Variants in TLL1 observed in about 807,000 individuals in gnomAD.
The protein encoded by TLL1 is tolloid-like protein 1.
TLL1 carries 49 observed loss-of-function variants against 128.2 expected under a neutral mutation model. The observed-to-expected ratio is 0.38, with a 90% CI of 0.30 to 0.48. The LOEUF (loss-of-function observed/expected upper bound fraction) is 0.48, where lower values mean the gene tolerates loss of function less well. Ranked by LOEUF, TLL1 falls within the 20% of genes least tolerant of loss-of-function variation. The probability of loss-of-function intolerance (pLI) is 0.96; values close to 1 mark genes in which losing one functional copy is unlikely to be tolerated. For synonymous variants in TLL1, 454 were observed against 418.8 expected (o/e 1.08, Z -1.03); for missense variants, 1,123 against 1,242.0 (o/e 0.90, Z 1.44).
chr4:166,048,096 C>T lies in TLL1; in HGVS notation c.1524+4677C>T, dbSNP rs954817995. Among the ~76,000 whole-genome samples, 15 of 151,996 alleles carry T rather than the reference C, an allele frequency of 9.9e-5. No individual in the cohort carries two copies. In the East Asian group the frequency reaches 1.6e-3, roughly 16 times the overall value. ...TACTAGAAATACAAAATTAGCTGGGCGTGGTGGTGGGCGCCCGTAATCCCA... is the reference window on the plus strand; with the variant it reads ...TACTAGAAATACAAAATTAGCTGGGTGTGGTGGTGGGCGCCCGTAATCCCA... On this transcript the variant is annotated intron_variant, in intron 12 of 20. Coordinates refer to ENST00000061240, the MANE Select transcript of TLL1 (RefSeq NM_012464.5).
intron 14 of TLL1, among the ~76,000 whole-genome samples, chr4:166,058,879 G>A (rs995123460): frequency 2.6e-5 from 4 of 151,914 alleles, no homozygotes; most frequent in Non-Finnish European, 4.4e-5. Context: ...CTTAATGCAC[G>A]CCCCCCTGCT....
chr4:165,875,104 T>G (rs2110798105), intron 1 of TLL1: 1 of 152,610 alleles, frequency 6.6e-6, no homozygotes, highest in African/African-American at 2.4e-5. Flanking sequence ...CAGAGCGGTT[T>G]GTAAGCGGAA....
intron 2 of TLL1, among the ~76,000 whole-genome samples, chr4:165,990,189 T>C (rs1378602485): frequency 6.6e-6 from 1 of 151,924 alleles, no homozygotes; most frequent in African/African-American, 2.4e-5. Flanking sequence ...CAAAATTCTT[T>C]GTAGTATCTT....
intron 1 of TLL1, among the ~76,000 whole-genome samples, chr4:165,963,680 T>C (rs1735230545): frequency 1.3e-5 from 2 of 152,168 alleles, no homozygotes; most frequent in South Asian, 4.1e-4. Context: ...TTGTCTATAA[T>C]TTATCATAAA....
intron 1 of TLL1, among the ~76,000 whole-genome samples, chr4:165,926,462 C>A (rs1006308026): frequency 2.0e-5 from 3 of 152,112 alleles, no homozygotes; most frequent in African/African-American, 7.2e-5. Flanking sequence ...GGTAGAAGTT[C>A]TTATCTTGTG....
chr4:165,946,483 G>A (rs1489871912), intron 1 of TLL1, among the ~76,000 whole-genome samples: 2 of 150,972 alleles, frequency 1.3e-5, no homozygotes, highest in Non-Finnish European at 2.9e-5. Context: ...GAGGCACATG[G>A]CAGCATACCC....
In TLL1 at chr4:166,075,422, C is replaced by T. The variant is rs569860263; in HGVS notation, c.2314+419C>T. ...ACATAAGTGATGTCCCTTTAAATAC[C>T]AGGAGCATCAAACTCAAATGCCTAC... On this transcript the variant is annotated intron_variant, in intron 17 of 20. Transcript: ENST00000061240. 5.3e-5 allele frequency among the ~76,000 whole-genome samples: 8 copies of T among 152,122 alleles called. No homozygotes were observed. In the South Asian group the frequency reaches 1.5e-3, roughly 28 times the overall value.
intron 16 of TLL1, among the ~76,000 whole-genome samples, chr4:166,074,510 A>G (rs1740932875): frequency 6.6e-6 from 1 of 151,998 alleles, no homozygotes; most frequent in African/African-American, 2.4e-5. Flanking sequence ...TATTCAAACT[A>G]TGCACAATTT....
At chr4:166,005,777 T>C (rs1737397002) in intron 6 of TLL1, among the ~76,000 whole-genome samples, 1 of 151,856 alleles carries the variant, frequency 6.6e-6, no homozygotes. Flanking sequence ...TTATAAAAGA[T>C]GTAACTTTCA....
At chr4:166,077,765 A>C (rs1406961742) in intron 17 of TLL1, 138 bp from the exon 18 acceptor site, 5 of 1,132,620 alleles carry the variant, frequency 4.4e-6, no homozygotes, top group South Asian at 1.3e-5. Flanking sequence ...GATGAATATA[A>C]TAACCGACAC....
intron 1 of TLL1, among the ~76,000 whole-genome samples, chr4:165,906,827 GTTTTT>G (rs372917139): frequency 5.3e-4 from 61 of 114,230 alleles, no homozygotes; most frequent in African/African-American, 1.9e-3. Context: ...TATTTCTCCA[GTTTTT>G]TTTTTTTTTT....
At chr4:165,884,314 G>A (rs1299087089) in intron 1 of TLL1, among the ~76,000 whole-genome samples, 1 of 152,138 alleles carries the variant, frequency 6.6e-6, no homozygotes, top group Non-Finnish European at 1.5e-5. Flanking sequence ...CTGAATATGT[G>A]TTCTTATACA....
At chr4:165,996,636 T>A in intron 5 of TLL1, among the ~76,000 whole-genome samples, 1 of 151,840 alleles carries the variant, frequency 6.6e-6, no homozygotes. Flanking sequence ...ACAAACATTA[T>A]GTAAGTACAT....
chr4:166,019,035 C>G (rs995257845), intron 8 of TLL1, among the ~76,000 whole-genome samples: 3 of 152,288 alleles, frequency 2.0e-5, no homozygotes, highest in South Asian at 4.1e-4. Flanking sequence ...TTTCCAATAG[C>G]AAAGGCATGG....
At position 165,994,368 on chromosome 4, in the gene TLL1, A is replaced by T; in HGVS notation, c.362-13A>T. On this transcript the variant is annotated splice_polypyrimidine_tract_variant and intron_variant, in intron 3 of 20. Coordinates refer to ENST00000061240, the MANE Select transcript of TLL1 (RefSeq NM_012464.5). ...AACTTCTGTTTCACAGAATGTTTTA[A>T]ATGTCACTGCAGGCTTGGAGCAAAA... The T allele has an allele frequency of 1.4e-5, 22 of 1,613,952 alleles. No homozygotes were observed. Among genetic ancestry groups the T allele is most frequent in the Non-Finnish European group, 1.9e-5 (22 of 1,179,872 alleles).
At chr4:166,000,485 C>T (rs1737096484) in intron 5 of TLL1, among the ~76,000 whole-genome samples, 1 of 152,002 alleles carries the variant, frequency 6.6e-6, no homozygotes, top group African/African-American at 2.4e-5. Context: ...TAGGAAATTG[C>T]TATGAGAGCA....
In TLL1 at chr4:165,981,020, A is replaced by G. The variant is rs1298350898; in HGVS notation, c.170-8361A>G. Among the ~76,000 whole-genome samples, 4 of 152,230 alleles carry G rather than the reference A, an allele frequency of 2.6e-5. No homozygotes were observed. The East Asian group carries it at 7.7e-4, about 29-fold the overall frequency. ...GTGACTTAGTATAAATGAGCTCTTT[A>G]TGAAATTTTAGGCCCAATTGGTGAA... On this transcript the variant is annotated intron_variant, in intron 1 of 20. Coordinates refer to ENST00000061240, the MANE Select transcript of TLL1 (RefSeq NM_012464.5).
rs919953806 is a variant in TLL1, at chr4:166,007,223, A to G, written c.812-720A>G. On this transcript the variant is annotated intron_variant, in intron 6 of 20. Transcript: ENST00000061240. Reference sequence around the variant, plus strand: ...TGTTCTTTTCAAATTTCGAGAAATAATACTACAATACAGATACAAACAGGC... The same window carrying G: ...TGTTCTTTTCAAATTTCGAGAAATAGTACTACAATACAGATACAAACAGGC... Among the ~76,000 whole-genome samples, 13 of 151,834 alleles carry G rather than the reference A, an allele frequency of 8.6e-5. 1 individual carries two copies. Among genetic ancestry groups the G allele is most frequent in the African/African-American group, 3.1e-4 (13 of 41,522 alleles).
chr4:165,906,827 G>GTTTT (rs372917139), intron 1 of TLL1, among the ~76,000 whole-genome samples: 3 of 114,280 alleles, frequency 2.6e-5, no homozygotes, highest in Admixed American at 8.8e-5. Flanking sequence ...TATTTCTCCA[G>GTTTT]TTTTTTTTTT....
Sources: allele counts gnomAD v4.1 joint callset (sites outside exome capture counted in the v4.1 genomes callset), GRCh38; gene constraint gnomAD v4.1.1; transcripts MANE v1.5; gene names NCBI Gene and HGNC (gene_info 2026-07-23, HGNC 2026-07-21).